The following PIK3CB variants were observed in gnomAD, a reference collection of about 807,000 sequenced individuals.
The protein encoded by PIK3CB is phosphatidylinositol 4,5-bisphosphate 3-kinase catalytic subunit beta isoform.
PIK3CB carries 39 observed loss-of-function variants against 136.8 expected under a neutral mutation model. That is an observed-to-expected ratio of 0.29 (90% confidence interval 0.22 to 0.37). The LOEUF is 0.37. PIK3CB is among the 10% of genes least tolerant of loss of function. PIK3CB has a pLI of 1.00. For missense variants in PIK3CB, 868 were observed against 1,275.4 expected (o/e 0.68, Z 4.87); for synonymous variants, 428 against 436.6 (o/e 0.98, Z 0.25).
At chr3:138,814,108 A>G (rs1443838409) in intron 1 of PIK3CB, among the ~76,000 whole-genome samples, 2 of 152,152 alleles carry the variant, frequency 1.3e-5, no homozygotes, top group Non-Finnish European at 2.9e-5. Context: ...GAGGGACAGA[A>G]AGAAAAGACA....
At chr3:138,715,304 G>A (rs1002086147) in intron 8 of PIK3CB, among the ~76,000 whole-genome samples, 1 of 152,158 alleles carries the variant, frequency 6.6e-6, no homozygotes, top group Non-Finnish European at 1.5e-5. Context: ...CAGGGCATGC[G>A]TAAGATGTCC....
chr3:138,789,362 G>A (rs2046022770), intron 2 of PIK3CB, among the ~76,000 whole-genome samples: 1 of 152,164 alleles, frequency 6.6e-6, no homozygotes, highest in African/African-American at 2.4e-5. Context: ...AGGAGGCTGA[G>A]GTGGGAGGAT....
intron 13 of PIK3CB, among the ~76,000 whole-genome samples, chr3:138,695,260 G>A (rs1392040029): frequency 6.6e-6 from 1 of 152,120 alleles, no homozygotes. Context: ...TATCACCTAA[G>A]TACCACTGAC....
At chr3:138,709,418 C>T (rs1274254879) in intron 10 of PIK3CB, among the ~76,000 whole-genome samples, 1 of 152,000 alleles carries the variant, frequency 6.6e-6, no homozygotes, top group African/African-American at 2.4e-5. Context: ...CAGAACATTA[C>T]ACAGAATGTG....
chr3:138,808,447 A>G (rs892179611), intron 1 of PIK3CB, among the ~76,000 whole-genome samples: 9 of 152,136 alleles, frequency 5.9e-5, no homozygotes, highest in Non-Finnish European at 8.8e-5. Flanking sequence ...CCTGGGCAAC[A>G]AGGTGAGTTG....
At chr3:138,721,186 G>C (rs2044718637) in intron 8 of PIK3CB, among the ~76,000 whole-genome samples, 1 of 151,688 alleles carries the variant, frequency 6.6e-6, no homozygotes, top group African/African-American at 2.4e-5. Context: ...TTTTGAGACA[G>C]AGTTTTGCTC....
intron 1 of PIK3CB, chr3:138,826,183 G>C: frequency 8.4e-7 from 1 of 1,183,450 alleles, no homozygotes; most frequent in Non-Finnish European, 1.2e-6. Flanking sequence ...TATGTTGAGA[G>C]CTTCTAGGAC....
Position 138,823,729 on chromosome 3 carries a change from A to T in PIK3CB, c.-122+10966T>A, listed in dbSNP as rs201680507. Among the ~76,000 whole-genome samples the T allele has an allele frequency of 2.1e-3, 323 of 151,332 alleles. 2 individuals carry two copies. The highest frequency in any genetic ancestry group is 3.4e-3 in the Middle Eastern group (1 of 294). On this transcript the variant is annotated intron_variant, in intron 1 of 23. Transcript: ENST00000674063. ...AAAATAATAATGAAAAAATTTTTTT[A>T]AAATAAAAAAACTATCAGTAGGCTA...
intron 1 of PIK3CB, among the ~76,000 whole-genome samples, chr3:138,826,482 T>C (rs1028439870): frequency 6.7e-6 from 1 of 150,334 alleles, no homozygotes; most frequent in African/African-American, 2.4e-5. Flanking sequence ...AAGGAGAATG[T>C]GTTATGGACC....
At position 138,672,709 on chromosome 3, in the gene PIK3CB, C is replaced by T. The variant is rs541094398; in HGVS notation, c.2505-7506G>A. ...GGCGGATCACCTGAGGTCAACAGTT[C>T]AAGACCAGCCTGGCCAACATGGTGA... On this transcript the variant is annotated intron_variant, in intron 19 of 23. Coordinates refer to ENST00000674063, the MANE Select transcript of PIK3CB (RefSeq NM_006219.3). Among the ~76,000 whole-genome samples the T allele has an allele frequency of 6.6e-5, 10 of 152,028 alleles. No individual in the cohort carries two copies. The South Asian group carries it at 2.1e-3, about 32-fold the overall frequency.
intron 19 of PIK3CB, among the ~76,000 whole-genome samples, chr3:138,673,440 C>G (rs2043578586): frequency 1.3e-5 from 2 of 152,172 alleles, no homozygotes; most frequent in East Asian, 3.9e-4. Context: ...GAACCGATAA[C>G]CAGACCGAGA....
At chr3:138,751,863 T>A (rs1411650314) in intron 4 of PIK3CB, among the ~76,000 whole-genome samples, 1 of 150,948 alleles carries the variant, frequency 6.6e-6, no homozygotes, top group African/African-American at 2.4e-5. Context: ...CCCAGCTACT[T>A]AGGAGGCTCA....
intron 19 of PIK3CB, among the ~76,000 whole-genome samples, chr3:138,678,085 C>T (rs1274691376): frequency 6.6e-6 from 1 of 151,956 alleles, no homozygotes; most frequent in Non-Finnish European, 1.5e-5. Context: ...CCAGAGAGAG[C>T]AACATAGTGA....
intron 1 of PIK3CB, chr3:138,826,302 T>C (rs1423154051): frequency 8.8e-6 from 14 of 1,597,494 alleles, no homozygotes; most frequent in Non-Finnish European, 1.1e-5. Flanking sequence ...TCACCAAGTC[T>C]GCCCAGAAAG....
chr3:138,811,614 C>T (rs1422741251), intron 1 of PIK3CB, among the ~76,000 whole-genome samples: 1 of 151,886 alleles, frequency 6.6e-6, no homozygotes, highest in African/African-American at 2.4e-5. Flanking sequence ...TTAGTAGAGA[C>T]GGGGTCTCAC....
intron 2 of PIK3CB, among the ~76,000 whole-genome samples, chr3:138,764,494 G>C (rs566749475): frequency 6.6e-6 from 1 of 152,072 alleles, no homozygotes; most frequent in South Asian, 2.1e-4. Context: ...ACAGGGCATG[G>C]CAGCTCACAC....
intron 10 of PIK3CB, among the ~76,000 whole-genome samples, chr3:138,711,526 C>T (rs1437518110): frequency 7.2e-6 from 1 of 138,110 alleles, no homozygotes; most frequent in African/African-American, 2.7e-5. Context: ...TTGCAGTGAG[C>T]CAAGATCACA....
chr3:138,678,015 G>A (rs1411186756), intron 19 of PIK3CB, among the ~76,000 whole-genome samples: 1 of 152,174 alleles, frequency 6.6e-6, no homozygotes, highest in African/African-American at 2.4e-5. Flanking sequence ...GCATATGTCT[G>A]TAATCCCAGA....
intron 1 of PIK3CB, among the ~76,000 whole-genome samples, chr3:138,828,280 G>C (rs917248551): frequency 6.6e-6 from 1 of 150,434 alleles, no homozygotes; most frequent in African/African-American, 2.4e-5. Context: ...CCGCCTCCCG[G>C]GTTGACGCCA....
Sources: gnomAD v4.1 joint callset for allele counts (sites outside exome capture counted in the v4.1 genomes callset) on GRCh38, gnomAD v4.1.1 for gene constraint, MANE v1.5 for transcripts, NCBI Gene and HGNC (gene_info 2026-07-23, HGNC 2026-07-21) for gene names.